The following P2RX4 variants were observed in gnomAD, a reference collection of about 807,000 sequenced individuals.
P2RX4 encodes the protein P2X purinoceptor 4.
P2RX4 carries 37 observed loss-of-function variants against 48.0 expected under a neutral mutation model. That is an observed-to-expected ratio of 0.77 (90% CI 0.59 to 1.01). P2RX4 has a LOEUF of 1.01. Among genes scored for constraint, P2RX4 ranks in the 50% least tolerant of loss-of-function variants. The pLI is 0.00. For synonymous variants in P2RX4, 200 were observed against 199.7 expected (o/e 1.00, Z -0.01); for missense variants, 501 against 521.4 (o/e 0.96, Z 0.38).
rs188674773 is a variant in P2RX4 at position 121,223,017 on chromosome 12, G to A, written c.498G>A (p.Pro166=). The A allele has an allele frequency of 2.1e-4, 340 of 1,611,730 alleles. No homozygotes were observed. The East Asian group carries it at 5.2e-3, about 25-fold the overall frequency. ...CGTGTGAGGTGGCGGCCTGGTGCCCGGTGGAGGATGACACACACGTGCCAC... is the reference window on the plus strand; with the variant it reads ...CGTGTGAGGTGGCGGCCTGGTGCCCAGTGGAGGATGACACACACGTGCCAC... ...VKTCEVAAWC[P]VEDDTHVPQP... The change falls in exon 5 of 12, where the codon CCG becomes CCA. Residue 166 remains proline, a synonymous_variant. Coordinates refer to ENST00000337233, the MANE Select transcript of P2RX4 (RefSeq NM_002560.3).
At chr12:121,223,319 AC>A in intron 5 of P2RX4, 1 of 408,204 alleles carries the variant, frequency 2.4e-6, no homozygotes, top group Admixed American at 3.6e-5. Flanking sequence ...CAAGTGATCC[AC>A]CTGCCTTGGC....
In P2RX4 at chr12:121,222,094, A is replaced by G. The variant is rs28360470; in HGVS notation, c.355A>G (p.Ile119Val). The G allele has an allele frequency of 6.2e-7, 1 of 1,611,674 alleles. No individual in the cohort carries two copies. The highest frequency in any genetic ancestry group is 8.5e-7 in the Non-Finnish European group (1 of 1,178,076). Residue 119 changes from isoleucine (I) to valine (V), a missense_variant and splice_region_variant, in exon 4 of 12, where the codon ATT becomes GTT. This residue lies in a region of P2RX4 where 295 missense variants were observed against 275.3 expected (regional missense o/e 1.07). Coordinates refer to ENST00000337233, the MANE Select transcript of P2RX4 (RefSeq NM_002560.3). ...TTCTTTTCGCTCCTTCTTTTTCCAG[A>G]TTCCAGATGCGACCACTGTGTGTAA... Reference protein sequence around the residue: ...MNQTQGLCPEIPDATTVCKSD... With the variant: ...MNQTQGLCPEVPDATTVCKSD...
Position 121,211,085 on chromosome 12 carries a change from G to T in P2RX4, c.134+787G>T, listed in dbSNP as rs147577435. On this transcript the variant is annotated intron_variant, in intron 1 of 11. Coordinates refer to ENST00000337233, the MANE Select transcript of P2RX4 (RefSeq NM_002560.3). ...TTCTGGGCTTGTGGGGCTTTTTGTG[G>T]TACCTGCCCTAGCCTAGTCAGTCAT... Among the ~76,000 whole-genome samples the T allele has an allele frequency of 2.6e-3, 401 of 152,244 alleles. 1 individual carries two copies. Among genetic ancestry groups the T allele is most frequent in the African/African-American group, 9.2e-3 (381 of 41,552 alleles).
intron 2 of P2RX4, among the ~76,000 whole-genome samples, chr12:121,219,418 T>C (rs915082803): frequency 6.6e-6 from 1 of 152,172 alleles, no homozygotes; most frequent in African/African-American, 2.4e-5. Flanking sequence ...GCTAAAAGCT[T>C]TGGGCATCTC....
intron 5 of P2RX4, among the ~76,000 whole-genome samples, chr12:121,226,604 A>T (rs1369714758): frequency 6.6e-6 from 1 of 152,240 alleles, no homozygotes; most frequent in Non-Finnish European, 1.5e-5. Context: ...GCACAACATT[A>T]TGAATGTACT....
rs746383754 is a variant in P2RX4 at position 121,228,887 on chromosome 12, T to C, written c.747+21T>C. 1.9e-6 allele frequency: 3 copies of C among 1,613,974 alleles called. No homozygotes were observed. In the African/African-American group the frequency reaches 4.0e-5, roughly 22 times the overall value. On this transcript the variant is annotated intron_variant, in intron 7 of 11. Coordinates refer to ENST00000337233, the MANE Select transcript of P2RX4 (RefSeq NM_002560.3). ...TGGAGGTGGGTGCGGGCCCTGGCTC[T>C]CCTGACCCAGCCCTGGAGGCGTCTC...
At position 121,217,197 on chromosome 12, in the gene P2RX4, C is replaced by A. The variant is rs1886284626; in HGVS notation, c.198C>A (p.Thr66=). Residue 66 remains threonine (T), a synonymous_variant, in exon 2 of 12, where the codon ACC becomes ACA. Coordinates refer to ENST00000337233, the MANE Select transcript of P2RX4 (RefSeq NM_002560.3). ...ETDSVVSSVT[T]KVKGVAVTNT... ...ACTCCGTGGTCAGCTCCGTTACGAC[C>A]AAGGTCAAGGGCGTGGCTGTGACCA... 13 of 1,614,188 alleles carry A rather than the reference C, an allele frequency of 8.1e-6. No individual in the cohort carries two copies. Among genetic ancestry groups the A allele is most frequent in the South Asian group, 1.1e-5 (1 of 91,082 alleles).
At position 121,232,308 on chromosome 12, in the gene P2RX4, G is replaced by A. The variant is rs556039129; in HGVS notation, c.885-106G>A. ...GAGCCGCTCCAGCGTCCATTCAGCC[G>A]GCAGAGTGGACCATTCACCTGTGCC... On this transcript the variant is annotated intron_variant, in intron 8 of 11. Coordinates refer to ENST00000337233, the MANE Select transcript of P2RX4 (RefSeq NM_002560.3). This position sits in a 1 kb window ranked among gnomAD's most constrained non-coding sequence, Gnocchi z 4.3. 8.5e-5 allele frequency: 69 copies of A among 810,462 alleles called. No homozygotes were observed. Among genetic ancestry groups the A allele is most frequent in the South Asian group, 4.9e-4 (33 of 67,618 alleles). 50.2% of individuals were successfully genotyped at this position (810,462 alleles called of 1,614,324 possible).
At chr12:121,210,388 G>A in intron 1 of P2RX4, 90 bp downstream of exon 1, 1 of 1,256,370 alleles carries the variant, frequency 8.0e-7, no homozygotes, top group South Asian at 2.3e-5. Flanking sequence ...TCACCTGGGC[G>A]AGTCCGGGAG....
At chr12:121,222,236 T>C (rs1200289694) in intron 4 of P2RX4, 70 bp downstream of exon 4, 1 of 1,070,028 alleles carries the variant, frequency 9.3e-7, no homozygotes, top group Non-Finnish European at 1.4e-6. Flanking sequence ...GCGTCTCTGA[T>C]AGAGAAATCT....
rs1270523970 is a variant in P2RX4, at chr12:121,223,006, G to T, written c.487G>T (p.Ala163Ser). 6.2e-7 allele frequency: 1 copy of T among 1,613,170 alleles called. No homozygotes were observed. Among genetic ancestry groups the T allele is most frequent in the African/African-American group, 1.3e-5 (1 of 74,920 alleles). ...NGSVKTCEVA[A>S]WCPVEDDTHV... ...GTCTGTCAAGACGTGTGAGGTGGCG[G>T]CCTGGTGCCCGGTGGAGGATGACAC... The change falls in exon 5 of 12, where the codon GCC becomes TCC. Residue 163 changes from alanine to serine, a missense_variant. Physicochemically the swap from Ala to Ser is moderately conservative, Grantham distance 99. Around this residue, in one of 3 missense-constraint regions of P2RX4, gnomAD observed 295 missense variants for 275.3 expected, o/e 1.07. Coordinates refer to ENST00000337233, the MANE Select transcript of P2RX4 (RefSeq NM_002560.3).
intron 2 of P2RX4, among the ~76,000 whole-genome samples, chr12:121,220,612 G>C (rs1159313689): frequency 6.6e-6 from 1 of 152,038 alleles, no homozygotes; most frequent in African/African-American, 2.4e-5. Flanking sequence ...CTGCAGCCTG[G>C]GCGACAGAGC....
chr12:121,225,989 G>A (rs1474967983), intron 5 of P2RX4, among the ~76,000 whole-genome samples: 3 of 151,700 alleles, frequency 2.0e-5, no homozygotes, highest in South Asian at 4.2e-4. Context: ...TGATCTTCCC[G>A]CCTCATCCTC....
At chr12:121,221,795 A>C in intron 2 of P2RX4, 118 bp from the exon 3 acceptor site, 1 of 774,360 alleles carries the variant, frequency 1.3e-6, no homozygotes. Context: ...CTTTGATGGG[A>C]GAGAGCGGGA....
chr12:121,218,690 C>G (rs1280259110), intron 2 of P2RX4, among the ~76,000 whole-genome samples: 1 of 152,132 alleles, frequency 6.6e-6, no homozygotes, highest in African/African-American at 2.4e-5. Context: ...TGGAAAGGAG[C>G]ACCCCACAAC....
intron 4 of P2RX4, chr12:121,222,579 A>C: frequency 2.1e-6 from 1 of 468,414 alleles, no homozygotes; most frequent in Non-Finnish European, 4.2e-6. Context: ...CGCCCAGCTA[A>C]TTTTTGTACT....
intron 1 of P2RX4, among the ~76,000 whole-genome samples, chr12:121,211,769 G>A (rs1341622901): frequency 1.3e-5 from 2 of 151,926 alleles, no homozygotes; most frequent in Non-Finnish European, 2.9e-5. Flanking sequence ...CCACCTCCCT[G>A]GTTCAAGCGA....
In P2RX4 at chr12:121,232,702, C is replaced by A. The variant is rs888880946; in HGVS notation, c.1044+26C>A. The A allele has an allele frequency of 7.6e-6, 12 of 1,589,076 alleles. No homozygotes were observed. Among genetic ancestry groups the A allele is most frequent in the Non-Finnish European group, 1.0e-5 (12 of 1,157,244 alleles). ...GTGAGTGGTTTAGGCCCTGCCTTCACCCTCACGGTGAGGTGAGACCCTGGG... is the reference window on the plus strand; with the variant it reads ...GTGAGTGGTTTAGGCCCTGCCTTCAACCTCACGGTGAGGTGAGACCCTGGG... On this transcript the variant is annotated intron_variant, in intron 10 of 11. Coordinates refer to ENST00000337233, the MANE Select transcript of P2RX4 (RefSeq NM_002560.3). The surrounding 1 kb of genome is among the most constrained non-coding windows in gnomAD (Gnocchi z 4.3).
intron 5 of P2RX4, among the ~76,000 whole-genome samples, chr12:121,225,713 G>A (rs1886939221): frequency 6.6e-6 from 1 of 151,888 alleles, no homozygotes; most frequent in Admixed American, 6.6e-5. Context: ...GCCCGGCCCT[G>A]AATATTTATT....
Sources: allele counts gnomAD v4.1 joint callset (sites outside exome capture counted in the v4.1 genomes callset), GRCh38; gene constraint gnomAD v4.1.1; regional missense constraint gnomAD v4.1.1; non-coding constraint Gnocchi (gnomAD v3.1); transcripts MANE v1.5; gene names NCBI Gene and HGNC (gene_info 2026-07-23, HGNC 2026-07-21).